SNTB1: variants seen among roughly 807,000 people sequenced by gnomAD.
The protein encoded by SNTB1 is beta-1-syntrophin.
In SNTB1, 36 loss-of-function variants were observed where a neutral mutation model predicts 48.9. That is an observed-to-expected ratio of 0.74 (90% CI 0.56 to 0.97). The LOEUF (loss-of-function observed/expected upper bound fraction) is 0.97, where lower values mean the gene tolerates loss of function less well. Among genes scored for constraint, SNTB1 ranks in the 50% least tolerant of loss-of-function variants. The pLI is 0.00. For missense variants in SNTB1, 786 were observed against 703.4 expected (o/e 1.12, Z -1.33); for synonymous variants, 299 against 294.6 (o/e 1.01, Z -0.15).
rs530861027 is a variant in SNTB1, at chr8:120,772,694, T to C, written c.571+38579A>G. Among the ~76,000 whole-genome samples, 22 of 152,308 alleles carry C rather than the reference T, an allele frequency of 1.4e-4. 2 individuals are homozygous for C. In the South Asian group the frequency reaches 2.5e-3, roughly 17 times the overall value. On this transcript the variant is annotated intron_variant, in intron 1 of 6. Transcript: ENST00000517992. ...GGTGAGGAACAACCCACACTGTATA[T>C]ACCTGCCACAGATAGGAAAGAGGAG...
intron 1 of SNTB1, 110 bp from the exon 2 acceptor site, chr8:120,694,018 C>T (rs910288517): frequency 2.5e-6 from 2 of 813,384 alleles, no homozygotes; most frequent in South Asian, 1.5e-5. Flanking sequence ...TAATACTGAA[C>T]TTCTTAAATT....
intron 2 of SNTB1, among the ~76,000 whole-genome samples, chr8:120,660,847 T>C (rs1315519855): frequency 1.3e-5 from 2 of 152,164 alleles, no homozygotes; most frequent in African/African-American, 2.4e-5. Flanking sequence ...ACTGGCCTAA[T>C]TTCAAGATTG....
At chr8:120,557,991 G>T (rs1383403474) in intron 4 of SNTB1, among the ~76,000 whole-genome samples, 2 of 152,076 alleles carry the variant, frequency 1.3e-5, no homozygotes. Flanking sequence ...CCAGATTCTG[G>T]GAACTAAATA....
rs974869644 is a variant in SNTB1 at position 120,639,400 on chromosome 8, C to T, written c.789-6749G>A. ...AGAAGCTCTTTAGTTTAATTAGATG[C>T]CATTTGTCAATTTTGGCTTTTGTTG... is the stretch of plus-strand genomic sequence containing the variant. On this transcript the variant is annotated intron_variant, in intron 2 of 6. Transcript: ENST00000517992. Among the ~76,000 whole-genome samples the T allele has an allele frequency of 1.8e-4, 27 of 152,260 alleles. 1 individual carries two copies. The highest frequency in any genetic ancestry group is 5.8e-4 in the African/African-American group (24 of 41,554).
At chr8:120,606,494 T>C (rs55646138) in intron 3 of SNTB1, among the ~76,000 whole-genome samples, 35,575 of 151,384 alleles carry the variant, frequency 0.23, 4,342 homozygotes, top group Middle Eastern at 0.3. Flanking sequence ...TGCTTTTTAG[T>C]AAAGAAGACA....
At chr8:120,781,892 T>C (rs989500996) in intron 1 of SNTB1, among the ~76,000 whole-genome samples, 3 of 152,246 alleles carry the variant, frequency 2.0e-5, no homozygotes, top group African/African-American at 7.2e-5. Context: ...CATATCATTC[T>C]GTGTGGCAGC....
intron 1 of SNTB1, among the ~76,000 whole-genome samples, chr8:120,755,189 C>T (rs556458891): frequency 1.6e-4 from 23 of 141,726 alleles, no homozygotes; most frequent in South Asian, 2.3e-4. Context: ...AGAGAGAGAG[C>T]GAGAGAGAGA....
At chr8:120,775,748 AAG>A in intron 1 of SNTB1, among the ~76,000 whole-genome samples, 1 of 150,148 alleles carries the variant, frequency 6.7e-6, no homozygotes. Context: ...GGAAGGAAGG[AAG>A]GAAGGAAAGA....
At chr8:120,617,166 ATTC>A (rs1175822292) in intron 3 of SNTB1, among the ~76,000 whole-genome samples, 2 of 152,228 alleles carry the variant, frequency 1.3e-5, no homozygotes, top group South Asian at 2.1e-4. Flanking sequence ...GGCCAAGACA[ATTC>A]TTCTTCTAAT....
chr8:120,681,695 A>C (rs1817933890), intron 2 of SNTB1, among the ~76,000 whole-genome samples: 1 of 152,214 alleles, frequency 6.6e-6, no homozygotes, highest in African/African-American at 2.4e-5. Context: ...TGATATTTGC[A>C]GAATTGGGAA....
At chr8:120,647,119 C>G (rs1370645481) in intron 2 of SNTB1, among the ~76,000 whole-genome samples, 1 of 135,032 alleles carries the variant, frequency 7.4e-6, no homozygotes, top group Admixed American at 7.4e-5. Context: ...AAAACCAGCT[C>G]CTGGATTCAT....
intron 3 of SNTB1, among the ~76,000 whole-genome samples, chr8:120,580,471 T>C (rs1816029574): frequency 6.6e-6 from 1 of 152,176 alleles, no homozygotes; most frequent in Non-Finnish European, 1.5e-5. Context: ...TGATGGGTAC[T>C]CAAAATGGTA....
chr8:120,634,101 G>C (rs893998068), intron 2 of SNTB1, among the ~76,000 whole-genome samples: 1 of 151,826 alleles, frequency 6.6e-6, no homozygotes, highest in African/African-American at 2.4e-5. Flanking sequence ...CAACTAACCT[G>C]TTCTCCGTAT....
chr8:120,794,792 T>C (rs13266005), intron 1 of SNTB1, among the ~76,000 whole-genome samples: 23,373 of 151,968 alleles, frequency 0.15, 3,125 homozygotes, highest in African/African-American at 0.36. Context: ...GCCAGGGCTT[T>C]AGAGAAGGAA....
At chr8:120,692,694 C>CT (rs1818149072) in intron 2 of SNTB1, among the ~76,000 whole-genome samples, 1 of 152,102 alleles carries the variant, frequency 6.6e-6, no homozygotes, top group South Asian at 2.1e-4. Flanking sequence ...CTTTTGCTCT[C>CT]TTGAGCATAA....
Position 120,548,923 on chromosome 8 carries a change from T to A in SNTB1, c.1172A>T (p.Gln391Leu). 2 of 1,602,960 alleles carry A rather than the reference T, an allele frequency of 1.2e-6. No individual in the cohort carries two copies. The highest frequency in any genetic ancestry group is 1.7e-6 in the Non-Finnish European group (2 of 1,174,726). The change falls in exon 5 of 7, where the codon CAG (glutamine) becomes CTG (leucine). Residue 391 changes from glutamine (Q) to leucine (L), a missense_variant. Physicochemically the swap from Gln to Leu is moderately radical, Grantham distance 113. Transcript: ENST00000517992. Reference sequence around the variant, plus strand: ...TGCAAAGGACAGATCCACACCAGCCTGGGGTGATCCCTTTCCTGGACCTGA... The same window carrying A: ...TGCAAAGGACAGATCCACACCAGCCAGGGGTGATCCCTTTCCTGGACCTGA... ...VHSGPGKGSPQAGVDLSFATR... is the reference protein window; with the variant it reads ...VHSGPGKGSPLAGVDLSFATR...
intron 3 of SNTB1, among the ~76,000 whole-genome samples, chr8:120,629,044 ACTTTT>A (rs1816936124): frequency 6.6e-6 from 1 of 152,108 alleles, no homozygotes; most frequent in African/African-American, 2.4e-5. Context: ...TCCGCTTGTC[ACTTTT>A]CTCCAGGATG....
intron 3 of SNTB1, 150 bp from the exon 4 acceptor site, chr8:120,575,375 T>C: frequency 1.2e-6 from 1 of 840,372 alleles, no homozygotes; most frequent in East Asian, 2.5e-5. Flanking sequence ...CTTGTCTTTA[T>C]CCCATGCTTC....
At chr8:120,542,728 ACG>A (rs1383770924) in intron 5 of SNTB1, among the ~76,000 whole-genome samples, 3 of 147,512 alleles carry the variant, frequency 2.0e-5, no homozygotes, top group South Asian at 4.3e-4. Flanking sequence ...ACACACACAC[ACG>A]CACACACACA....
Sources: gnomAD v4.1 joint callset for allele counts (sites outside exome capture counted in the v4.1 genomes callset) on GRCh38, gnomAD v4.1.1 for gene constraint, MANE v1.5 for transcripts, NCBI Gene and HGNC (gene_info 2026-07-23, HGNC 2026-07-21) for gene names.